Variants in TBC1D8B observed in about 807,000 individuals in gnomAD.
TBC1D8B encodes TBC1 domain family member 8B.
TBC1D8B carries 75 observed loss-of-function variants against 82.9 expected under a neutral mutation model. The observed-to-expected ratio is 0.90, with a 90% CI of 0.75 to 1.10. The LOEUF is 1.10. Among genes scored for constraint, TBC1D8B ranks in the 50% least tolerant of loss-of-function variants. The pLI, the probability that TBC1D8B is intolerant of heterozygous loss-of-function variation, is 0.00. For missense variants in TBC1D8B, 794 were observed against 796.9 expected (o/e 1.00, Z 0.04); for synonymous variants, 276 against 276.8 (o/e 1.00, Z 0.03).
Position 106,821,977 on chromosome X carries a change from G to A in TBC1D8B, c.361G>A (p.Gly121Arg), listed in dbSNP as rs1408223853. Residue 121 changes from glycine (G) to arginine (R), a missense_variant and splice_region_variant, in exon 4 of 21, where the codon GGA becomes AGA. Physicochemically the swap from Gly to Arg is moderately radical, Grantham distance 125 (BLOSUM62 -2). Transcript: ENST00000357242. ...TCAGAAAATATTTTGTCTCCTTTAGGGATTAATTGCTGAAGAGGGAAAACA... is the reference window on the plus strand; with the variant it reads ...TCAGAAAATATTTTGTCTCCTTTAGAGATTAATTGCTGAAGAGGGAAAACA... ...ITNFVQGKIR[G>R]LIAEEGKHCF... is the part of the protein sequence containing the mutation. 8.3e-7 allele frequency: 1 copy of A among 1,203,038 alleles called. No homozygotes were observed. The highest frequency in any genetic ancestry group is 1.7e-5 in the African/African-American group (1 of 57,378).
Position 106,876,150 on chromosome X carries a change from A to G in TBC1D8B, c.*2185A>G, listed in dbSNP as rs753554621. 1 of 110,484 alleles carries G rather than the reference A, an allele frequency of 9.1e-6. No homozygotes were observed. The highest frequency in any genetic ancestry group is 3.9e-4 in the South Asian group (1 of 2,556). The allele number at this position is 110,484 out of a possible 1,213,427, so 9.1% of individuals were successfully genotyped here. On this transcript the variant is annotated 3_prime_UTR_variant, in exon 21 of 21. Coordinates refer to ENST00000357242, the MANE Select transcript of TBC1D8B (RefSeq NM_017752.3). ...TAAATATATCTACTAAACATGAAAA[A>G]TGGTTTACTTAAAAAGATTAGTATT...
At chrX:106,814,422 C>T (rs1020855205) in intron 1 of TBC1D8B, 8 of 105,795 alleles carry the variant, frequency 7.6e-5, no homozygotes, top group Non-Finnish European at 1.6e-4. Flanking sequence ...ATATGTGCCA[C>T]ATTTTCTTAA....
chrX:106,839,285 C>T (rs2147750848), intron 7 of TBC1D8B, 23 bp from the exon 8 acceptor site: 5 of 1,116,797 alleles, frequency 4.5e-6, no homozygotes, highest in East Asian at 3.1e-5. Flanking sequence ...GCATCTGGGA[C>T]AACTACATTC....
chrX:106,849,229 T>C, intron 11 of TBC1D8B: 1 of 1,112,688 alleles, frequency 9.0e-7, no homozygotes, highest in Non-Finnish European at 1.2e-6. Context: ...TATTTTTTTT[T>C]TTTTTTTTTT....
In TBC1D8B at chrX:106,874,683, G is replaced by T. The variant is rs1362658764; in HGVS notation, c.*718G>T. 9.0e-6 allele frequency: 1 copy of T among 111,297 alleles called. No individual in the cohort carries two copies. Among genetic ancestry groups the T allele is most frequent in the Non-Finnish European group, 1.9e-5 (1 of 53,058 alleles). 9.2% of individuals were successfully genotyped at this position (111,297 alleles called of 1,213,427 possible). A position where few individuals can be genotyped will look rare whatever the true frequency, so the allele number is the denominator to read the frequency against. On this transcript the variant is annotated 3_prime_UTR_variant, in exon 21 of 21. Coordinates refer to ENST00000357242, the MANE Select transcript of TBC1D8B (RefSeq NM_017752.3). ...AAAGAAAAAAACAATATTGGATTTG[G>T]ATTTAATCTGGGTAAAATCAGCCTT...
At chrX:106,837,797 T>G (rs1421284637) in intron 7 of TBC1D8B, among the ~76,000 whole-genome samples, 2 of 112,245 alleles carry the variant, frequency 1.8e-5, no homozygotes, top group African/African-American at 6.5e-5. Flanking sequence ...TGTTTCATTC[T>G]TTTTTGGGCT....
chrX:106,822,081 G>T lies in TBC1D8B; in HGVS notation c.465G>T (p.Glu155Asp). 1 of 1,210,627 alleles carries T rather than the reference G, an allele frequency of 8.3e-7. No individual in the cohort carries two copies. The highest frequency in any genetic ancestry group is 1.1e-6 in the Non-Finnish European group (1 of 894,779). The change falls in exon 4 of 21, where the codon GAG (glutamate) becomes GAT (aspartate). Residue 155 changes from glutamate to aspartate, a missense_variant. By Grantham distance (45) the Glu-to-Asp change is conservative. Transcript: ENST00000357242. ...TTGAAAAATGTTTTGGTTTACCAGA[G>T]AAGGAGAAGTTAGTGACCTATTATT... ...LKFEKCFGLP[E>D]KEKLVTYYSC...
At position 106,810,387 on chromosome X, in the gene TBC1D8B, T is replaced by C. The variant is rs1285936707; in HGVS notation, c.130+7404T>C. 1.1e-4 allele frequency among the ~76,000 whole-genome samples: 12 copies of C among 111,886 alleles called. No homozygotes were observed. The Admixed American group carries it at 1.1e-3, about 11-fold the overall frequency. On this transcript the variant is annotated intron_variant, in intron 1 of 20. Transcript: ENST00000357242. ...GGACACAGCAAATATTCTAGATTCA[T>C]TTACGTGGAGTTGAAAATATGAGAC...
rs997134261 is a variant in TBC1D8B, at chrX:106,873,384, G to A, written c.2968-186G>A. Among the ~76,000 whole-genome samples the A allele has an allele frequency of 2.7e-5, 3 of 111,971 alleles. No homozygotes were observed. In the Admixed American group the frequency reaches 2.8e-4, roughly 11 times the overall value. Reference sequence around the variant, plus strand: ...GCTGGGATTACAGGCATGTGCCACCGCGCCTGGCCCATACTCACCTTTCTA... The same window carrying A: ...GCTGGGATTACAGGCATGTGCCACCACGCCTGGCCCATACTCACCTTTCTA... On this transcript the variant is annotated intron_variant, in intron 20 of 20. Coordinates refer to ENST00000357242, the MANE Select transcript of TBC1D8B (RefSeq NM_017752.3).
At chrX:106,860,830 C>G (rs1009042719) in intron 14 of TBC1D8B, among the ~76,000 whole-genome samples, 1 of 111,392 alleles carries the variant, frequency 9.0e-6, no homozygotes, top group African/African-American at 3.3e-5. Context: ...TTGTTAATTT[C>G]AGATCTTTCT....
chrX:106,841,539 G>A (rs934882276), intron 10 of TBC1D8B, among the ~76,000 whole-genome samples: 5 of 111,735 alleles, frequency 4.5e-5, no homozygotes, highest in African/African-American at 1.6e-4. Context: ...TTGGGATAGA[G>A]CTGGAGTTTG....
Position 106,853,599 on chromosome X carries a change from A to T in TBC1D8B, c.2202A>T (p.Lys734Asn). 2.5e-6 allele frequency: 3 copies of T among 1,209,507 alleles called. No homozygotes were observed. The highest frequency in any genetic ancestry group is 2.2e-6 in the Non-Finnish European group (2 of 893,658). ...AAGGTTCAAATGTGAGTGATGAAAAAACCAGTCATACTAGAGTGGATATTA... is the reference window on the plus strand; with the variant it reads ...AAGGTTCAAATGTGAGTGATGAAAATACCAGTCATACTAGAGTGGATATTA... Reference protein sequence around the residue: ...VQQGSNVSDEKTSHTRVDITD... With the variant: ...VQQGSNVSDENTSHTRVDITD... The change falls in exon 13 of 21, where the codon AAA (lysine) becomes AAT (asparagine). Residue 734 changes from lysine (K) to asparagine (N), a missense_variant. By Grantham distance (94) the Lys-to-Asn change is moderately conservative. Coordinates refer to ENST00000357242, the MANE Select transcript of TBC1D8B (RefSeq NM_017752.3).
Position 106,822,038 on chromosome X carries a change from G to T in TBC1D8B, c.422G>T (p.Arg141Leu), listed in dbSNP as rs540828946. 1 of 1,208,986 alleles carries T rather than the reference G, an allele frequency of 8.3e-7. No homozygotes were observed. Among genetic ancestry groups the T allele is most frequent in the Admixed American group, 2.2e-5 (1 of 45,638 alleles). ...AAAGAAGATGATCCTGAGAAATTTC[G>T]AGAAGCCCTTTTGAAATTTGAAAAA... ...FAKEDDPEKFREALLKFEKCF... is the reference protein window; with the variant it reads ...FAKEDDPEKFLEALLKFEKCF... Residue 141 changes from arginine (R) to leucine (L), a missense_variant, in exon 4 of 21, where the codon CGA becomes CTA. Coordinates refer to ENST00000357242, the MANE Select transcript of TBC1D8B (RefSeq NM_017752.3).
chrX:106,817,453 A>G (rs1383364106), intron 1 of TBC1D8B, among the ~76,000 whole-genome samples: 2 of 111,619 alleles, frequency 1.8e-5, no homozygotes, highest in East Asian at 2.8e-4. Flanking sequence ...CAAATGGAAA[A>G]TTTCCACACC....
At chrX:106,833,963 A>AT (rs200836993) in intron 7 of TBC1D8B, among the ~76,000 whole-genome samples, 1,192 of 104,207 alleles carry the variant, frequency 0.011, 22 homozygotes, top group African/African-American at 0.046. Flanking sequence ...CAAAATAAGC[A>AT]TTTAAAAAAA....
At position 106,869,546 on chromosome X, in the gene TBC1D8B, T is replaced by A; in HGVS notation, c.2869+5T>A. 1.2e-5 allele frequency: 14 copies of A among 1,193,593 alleles called. No homozygotes were observed. The highest frequency in any genetic ancestry group is 1.6e-5 in the Non-Finnish European group (14 of 880,214). On this transcript the variant is annotated splice_donor_5th_base_variant and intron_variant, in intron 19 of 20. Transcript: ENST00000357242. ...CAAAACACAGCCCTGAAAAAGGTAC[T>A]ATGATCTAGGAGTTATCATTTAATT...
chrX:106,807,662 T>G (rs1294642742), intron 1 of TBC1D8B, among the ~76,000 whole-genome samples: 3 of 111,352 alleles, frequency 2.7e-5, no homozygotes, highest in African/African-American at 9.8e-5. Context: ...AATTTTTTAC[T>G]TGATTTCAGA....
Position 106,839,366 on chromosome X carries a change from C to A in TBC1D8B, c.1262C>A (p.Thr421Lys), listed in dbSNP as rs1476516474. 9.3e-6 allele frequency: 11 copies of A among 1,187,603 alleles called. No individual in the cohort carries two copies. Among genetic ancestry groups the A allele is most frequent in the African/African-American group, 1.7e-5 (1 of 57,228 alleles). Reference sequence around the variant, plus strand: ...GATAATTTTGAGGTGCAATCTTTGACAAGTCAGAGGGAATGCAGTAAAACT... The same window carrying A: ...GATAATTTTGAGGTGCAATCTTTGAAAAGTCAGAGGGAATGCAGTAAAACT... ...PSDNFEVQSL[T>K]SQRECSKTVN... Residue 421 changes from threonine to lysine, a missense_variant, in exon 8 of 21, where the codon ACA becomes AAA. Coordinates refer to ENST00000357242, the MANE Select transcript of TBC1D8B (RefSeq NM_017752.3).
intron 1 of TBC1D8B, among the ~76,000 whole-genome samples, chrX:106,811,342 C>T (rs1446315814): frequency 9.0e-6 from 1 of 111,309 alleles, no homozygotes; most frequent in Non-Finnish European, 1.9e-5. Flanking sequence ...CTCGGCCACA[C>T]AGTAAGACCT....
Sources: allele counts gnomAD v4.1 joint callset (sites outside exome capture counted in the v4.1 genomes callset), GRCh38; gene constraint gnomAD v4.1.1; transcripts MANE v1.5; gene names NCBI Gene and HGNC (gene_info 2026-07-23, HGNC 2026-07-21).